Variants in KHDRBS3 observed in about 807,000 individuals in gnomAD.
KHDRBS3 encodes KH domain-containing, RNA-binding, signal transduction-associated protein 3.
In KHDRBS3, 23 loss-of-function variants were observed where a neutral mutation model predicts 45.6. That is an observed-to-expected ratio of 0.50 (90% confidence interval 0.36 to 0.72). The LOEUF (loss-of-function observed/expected upper bound fraction) is 0.72, where lower values mean the gene tolerates loss of function less well. Ranked by LOEUF, KHDRBS3 falls within the 30% of genes least tolerant of loss-of-function variation. KHDRBS3 has a pLI of 0.00. For missense variants in KHDRBS3, 352 were observed against 424.8 expected, an observed-to-expected ratio of 0.83 and a Z score of 1.51; for synonymous variants, 162 against 156.5, an observed-to-expected ratio of 1.04 and a Z score of -0.26.
intron 1 of KHDRBS3, 54 bp from the exon 2 acceptor site, chr8:135,521,183 C>T: frequency 9.5e-7 from 1 of 1,055,630 alleles, no homozygotes; most frequent in Non-Finnish European, 1.5e-6. Flanking sequence ...CCAGAACACC[C>T]AGCCCCTGCA....
chr8:135,492,504 C>CATATATATATACATATATAT (rs1563718852), intron 1 of KHDRBS3, among the ~76,000 whole-genome samples: 1 of 98,652 alleles, frequency 1.0e-5, no homozygotes, highest in African/African-American at 3.6e-5. Context: ...CATTAGTTTA[C>CATATATATATACATATATAT]ATATATATAT....
In KHDRBS3 at chr8:135,520,519, T is replaced by C. The variant is rs191118937; in HGVS notation, c.89-718T>C. Among the ~76,000 whole-genome samples the C allele has an allele frequency of 4.6e-5, 7 of 152,306 alleles. No individual in the cohort carries two copies. The East Asian group carries it at 1.3e-3, about 29-fold the overall frequency. ...GAGGGAGAGGTAGCACATTTTTTTT[T>C]CCATCTAAGGGTAGCAGTAGAGTTG... On this transcript the variant is annotated intron_variant, in intron 1 of 8. Coordinates refer to ENST00000355849, the MANE Select transcript of KHDRBS3 (RefSeq NM_006558.3).
chr8:135,639,598 A>G (rs1237050199), intron 7 of KHDRBS3, among the ~76,000 whole-genome samples: 1 of 152,218 alleles, frequency 6.6e-6, no homozygotes, highest in Non-Finnish European at 1.5e-5. Context: ...CATTGTATTC[A>G]AGCCATTTTT....
intron 5 of KHDRBS3, among the ~76,000 whole-genome samples, chr8:135,568,757 A>T (rs988808100): frequency 3.3e-5 from 5 of 152,248 alleles, no homozygotes; most frequent in Non-Finnish European, 7.3e-5. Context: ...ACAATTTAAG[A>T]CGTTAAAGAA....
intron 2 of KHDRBS3, among the ~76,000 whole-genome samples, chr8:135,536,699 G>A (rs1005379888): frequency 3.9e-5 from 6 of 151,928 alleles, no homozygotes; most frequent in African/African-American, 1.2e-4. Context: ...GGTGGCTCAC[G>A]CCTGTAATCC....
chr8:135,551,195 A>T (rs898228196), intron 4 of KHDRBS3, among the ~76,000 whole-genome samples: 9 of 152,140 alleles, frequency 5.9e-5, no homozygotes, highest in African/African-American at 2.2e-4. Flanking sequence ...CTGTGAATAA[A>T]GACAACTTAA....
intron 1 of KHDRBS3, among the ~76,000 whole-genome samples, chr8:135,494,501 A>C (rs931194936): frequency 1.3e-5 from 2 of 151,792 alleles, no homozygotes; most frequent in Admixed American, 6.6e-5. Flanking sequence ...GATGGTCTAG[A>C]TCTCCTGACC....
At chr8:135,533,638 T>G (rs1468710444) in intron 2 of KHDRBS3, among the ~76,000 whole-genome samples, 1 of 152,218 alleles carries the variant, frequency 6.6e-6, no homozygotes, top group Non-Finnish European at 1.5e-5. Flanking sequence ...TGGAATGTAC[T>G]GATGGACCTG....
intron 1 of KHDRBS3, among the ~76,000 whole-genome samples, chr8:135,492,799 A>G (rs1586602353): frequency 6.6e-6 from 1 of 152,082 alleles, no homozygotes; most frequent in East Asian, 1.9e-4. Context: ...CTTGTATGCA[A>G]GATCCTTTTG....
intron 6 of KHDRBS3, among the ~76,000 whole-genome samples, chr8:135,596,166 A>T (rs1403697277): frequency 2.0e-5 from 3 of 152,178 alleles, no homozygotes; most frequent in African/African-American, 7.2e-5. Context: ...ATCATTCTAG[A>T]TACAAAGGAA....
chr8:135,465,022 C>A (rs546186280), intron 1 of KHDRBS3, among the ~76,000 whole-genome samples: 1 of 152,154 alleles, frequency 6.6e-6, no homozygotes, highest in African/African-American at 2.4e-5. Flanking sequence ...AGGGCAGTTG[C>A]GTACCATACA....
At chr8:135,495,022 AC>A (rs1240896666) in intron 1 of KHDRBS3, among the ~76,000 whole-genome samples, 2 of 152,224 alleles carry the variant, frequency 1.3e-5, no homozygotes, top group South Asian at 2.1e-4. Context: ...TCTCTTAAGT[AC>A]CCTTTCTTCT....
At chr8:135,481,633 G>C (rs1586582086) in intron 1 of KHDRBS3, among the ~76,000 whole-genome samples, 1 of 152,254 alleles carries the variant, frequency 6.6e-6, no homozygotes, top group Admixed American at 6.5e-5. Context: ...TTCTTTAGGA[G>C]AGCTTTTTAG....
chr8:135,623,143 G>A (rs917394856), intron 7 of KHDRBS3, among the ~76,000 whole-genome samples: 7 of 152,116 alleles, frequency 4.6e-5, no homozygotes, highest in African/African-American at 9.7e-5. Flanking sequence ...AAAATTACTC[G>A]TGATGTCTAG....
intron 2 of KHDRBS3, among the ~76,000 whole-genome samples, chr8:135,531,282 A>G (rs185441800): frequency 3.9e-5 from 6 of 152,294 alleles, no homozygotes; most frequent in Admixed American, 1.3e-4. Context: ...TTAGAAATGG[A>G]TATTAGGTTA....
At chr8:135,600,295 TAAGG>T (rs1306157178) in intron 6 of KHDRBS3, among the ~76,000 whole-genome samples, 1 of 152,182 alleles carries the variant, frequency 6.6e-6, no homozygotes, top group Non-Finnish European at 1.5e-5. Context: ...AATGTTTAGA[TAAGG>T]AAGCATTAGA....
chr8:135,585,232 A>AG (rs948286009), intron 6 of KHDRBS3, among the ~76,000 whole-genome samples: 7 of 151,052 alleles, frequency 4.6e-5, no homozygotes, highest in African/African-American at 1.7e-4. Context: ...CCGTCTCAAA[A>AG]AAAAAAAAAA....
intron 1 of KHDRBS3, among the ~76,000 whole-genome samples, chr8:135,479,355 A>T (rs575949235): frequency 9.9e-5 from 15 of 152,228 alleles, no homozygotes; most frequent in Admixed American, 9.8e-4. Flanking sequence ...GTCACTGGTG[A>T]ATCCTAGCAA....
chr8:135,470,437 C>G (rs962446729), intron 1 of KHDRBS3, among the ~76,000 whole-genome samples: 4 of 152,032 alleles, frequency 2.6e-5, no homozygotes, highest in African/African-American at 9.7e-5. Flanking sequence ...AGCGATAATC[C>G]CCTGCCCTGT....
Sources: gnomAD v4.1 joint callset for allele counts (sites outside exome capture counted in the v4.1 genomes callset) on GRCh38, gnomAD v4.1.1 for gene constraint, MANE v1.5 for transcripts, NCBI Gene and HGNC (gene_info 2026-07-23, HGNC 2026-07-21) for gene names.